Variants in SLC28A1 observed in about 807,000 individuals in gnomAD.
SLC28A1 encodes the protein sodium/nucleoside cotransporter 1.
Under a neutral mutation model 74.8 loss-of-function variants are expected in SLC28A1, and 64 were observed. The ratio of observed to expected loss-of-function variants is 0.86; its 90% CI spans 0.70 to 1.05. SLC28A1 has a LOEUF of 1.05. Among genes scored for constraint, SLC28A1 ranks in the 50% least tolerant of loss-of-function variants. The pLI, the probability that SLC28A1 is intolerant of heterozygous loss-of-function variation, is 0.00. For missense variants in SLC28A1, 828 were observed against 822.8 expected (o/e 1.01, Z -0.08); for synonymous variants, 359 against 335.0 (o/e 1.07, Z -0.78).
At position 84,928,518 on chromosome 15, in the gene SLC28A1, G is replaced by GGTTCGTTCGTTC. The variant is rs141295230; in HGVS notation, c.1083+4409_1083+4420dup. 1.0e-3 allele frequency among the ~76,000 whole-genome samples: 35 copies of GGTTCGTTCGTTC among 34,120 alleles called. 5 individuals are homozygous for GGTTCGTTCGTTC. The highest frequency in any genetic ancestry group is 3.5e-3 in the Admixed American group (11 of 3,176). The allele number at this position is 34,120 out of a possible 152,430, so 22.4% of individuals were successfully genotyped here. A position where few individuals can be genotyped will look rare whatever the true frequency, so the allele number is the denominator to read the frequency against. ...TCTTGCCCTTTCCTTCAAGCTCCCA[G>GGTTCGTTCGTTC]GTTCGTTCGTTCTTTCTTTCTTTCT... On this transcript the variant is annotated intron_variant, in intron 12 of 18. Transcript: ENST00000394573.
intron 3 of SLC28A1, among the ~76,000 whole-genome samples, chr15:84,888,077 G>A (rs1382216391): frequency 2.0e-5 from 3 of 152,120 alleles, no homozygotes; most frequent in Non-Finnish European, 2.9e-5. Flanking sequence ...GACTGAGCAC[G>A]TACTGTGTGC....
At chr15:84,933,931 C>G (rs951215523) in intron 13 of SLC28A1, among the ~76,000 whole-genome samples, 2 of 152,284 alleles carry the variant, frequency 1.3e-5, no homozygotes, top group Admixed American at 1.3e-4. Flanking sequence ...GCCTAGATCG[C>G]ACCACTGTAC....
At chr15:84,958,732 C>T in the SLC28A1 span, among the ~76,000 whole-genome samples, 1 of 151,854 alleles carries the variant, frequency 6.6e-6, no homozygotes, top group Admixed American at 6.6e-5. Flanking sequence ...TTTAAAATTT[C>T]TTTTATAGAG....
the SLC28A1 span, among the ~76,000 whole-genome samples, chr15:84,973,044 TGGCTGACAAGGCCCTG>T: frequency 1.3e-5 from 2 of 149,918 alleles, no homozygotes; most frequent in African/African-American, 5.1e-5. Flanking sequence ...GTCCTTGTCA[TGGCTGACAAGGCCCTG>T]CATGGTCTGA....
At chr15:84,889,155 C>G (rs1596189860) in intron 4 of SLC28A1, among the ~76,000 whole-genome samples, 1 of 152,152 alleles carries the variant, frequency 6.6e-6, no homozygotes, top group South Asian at 2.1e-4. Flanking sequence ...CCCCCTTCTG[C>G]CTTCTACCCC....
Position 84,886,742 on chromosome 15 carries a change from G to C in SLC28A1, c.-62G>C, listed in dbSNP as rs755210278. The C allele has an allele frequency of 4.1e-6, 4 of 985,366 alleles. No homozygotes were observed. The African/African-American group carries it at 7.0e-5, about 17-fold the overall frequency. 61.0% of individuals were successfully genotyped at this position (985,366 alleles called of 1,614,324 possible). A position where few individuals can be genotyped will look rare whatever the true frequency, so the allele number is the denominator to read the frequency against. ...GGACCCAGCTTGTCCCCACAGAGAC[G>C]TGTGCTTCCCTCTCTCTCTGAGAGC... On this transcript the variant is annotated 5_prime_UTR_variant, in exon 2 of 19. Transcript: ENST00000394573.
intron 6 of SLC28A1, 131 bp from the exon 7 acceptor site, chr15:84,903,966 T>C: frequency 8.2e-7 from 1 of 1,217,334 alleles, no homozygotes; most frequent in Non-Finnish European, 1.2e-6. Context: ...TGGTGCTCTT[T>C]CCACTCTGCT....
In SLC28A1 at chr15:84,923,858, C is replaced by G. The variant is rs561292781; in HGVS notation, c.958-127C>G. 2.4e-6 allele frequency: 3 copies of G among 1,250,994 alleles called. No individual in the cohort carries two copies. The Admixed American group carries it at 5.5e-5, about 23-fold the overall frequency. 77.5% of individuals were successfully genotyped at this position (1,250,994 alleles called of 1,614,324 possible). On this transcript the variant is annotated intron_variant, in intron 11 of 18. Transcript: ENST00000394573. Reference sequence around the variant, plus strand: ...TCAGAGAAGCTCAGCCAAGTACAGACCCTGGTCCTTACCCCATCCTGCTGC... The same window carrying G: ...TCAGAGAAGCTCAGCCAAGTACAGAGCCTGGTCCTTACCCCATCCTGCTGC...
chr15:84,936,364 T>G (rs1463016857), intron 15 of SLC28A1, among the ~76,000 whole-genome samples: 4 of 152,100 alleles, frequency 2.6e-5, no homozygotes, highest in Non-Finnish European at 5.9e-5. Context: ...TTCGAGTGAT[T>G]CTCGTGTCTC....
At chr15:84,910,848 G>C (rs1968096894) in intron 9 of SLC28A1, among the ~76,000 whole-genome samples, 2 of 152,234 alleles carry the variant, frequency 1.3e-5, no homozygotes, top group African/African-American at 4.8e-5. Context: ...TATAAGGAGA[G>C]ATTCTTCTAA....
chr15:84,941,457 G>A (rs183843732), intron 15 of SLC28A1, among the ~76,000 whole-genome samples: 3 of 152,010 alleles, frequency 2.0e-5, no homozygotes, highest in Admixed American at 1.3e-4. Flanking sequence ...TGCCCACCTT[G>A]GCTTCCCAAA....
intron 5 of SLC28A1, 48 bp downstream of exon 5, chr15:84,890,582 A>T (rs767747629): frequency 4.2e-6 from 6 of 1,432,644 alleles, no homozygotes; most frequent in Non-Finnish European, 5.8e-6. Flanking sequence ...CTCCTGCCTC[A>T]GCTATCCATG....
chr15:84,922,418 A>G (rs1456426538), intron 11 of SLC28A1, among the ~76,000 whole-genome samples: 1 of 152,074 alleles, frequency 6.6e-6, no homozygotes, highest in African/African-American at 2.4e-5. Context: ...AGGATGGTTC[A>G]GGCGGAGCTG....
intron 6 of SLC28A1, among the ~76,000 whole-genome samples, chr15:84,900,318 A>ACACACTGTCTCAAAAAAAAG (rs1966528013): frequency 6.7e-6 from 1 of 149,636 alleles, no homozygotes; most frequent in Non-Finnish European, 1.5e-5. Flanking sequence ...AGACAGAGTG[A>ACACACTGTCTCAAAAAAAAG]GACACTGTCT....
chr15:84,955,796 G>T, the SLC28A1 span, among the ~76,000 whole-genome samples: 1 of 152,304 alleles, frequency 6.6e-6, no homozygotes, highest in East Asian at 1.9e-4. Context: ...TATCAGGGTT[G>T]TGGACAGGAG....
chr15:84,945,279 C>G lies in SLC28A1; in HGVS notation c.*79C>G. ...CCATCTGTCCCCACCTTCCCTTTCCCAGAGCCCTCTTCAGGGAAGCCACAG... is the reference window on the plus strand; with the variant it reads ...CCATCTGTCCCCACCTTCCCTTTCCGAGAGCCCTCTTCAGGGAAGCCACAG... On this transcript the variant is annotated 3_prime_UTR_variant, in exon 19 of 19. Transcript: ENST00000394573. 7.3e-7 allele frequency: 1 copy of G among 1,372,506 alleles called. No homozygotes were observed. The highest frequency in any genetic ancestry group is 1.2e-5 in the South Asian group (1 of 84,802). 85.0% of individuals were successfully genotyped at this position (1,372,506 alleles called of 1,614,324 possible).
chr15:84,899,959 G>GGAAGGAAGGAAGGAAGGAAT (rs1966454815), intron 6 of SLC28A1, among the ~76,000 whole-genome samples: 1 of 114,500 alleles, frequency 8.7e-6, no homozygotes, highest in East Asian at 2.1e-4. Flanking sequence ...AAGGAAGGAA[G>GGAAGGAAGGAAGGAAGGAAT]GAAGGAAAGA....
At chr15:84,966,939 G>GT in the SLC28A1 span, among the ~76,000 whole-genome samples, 1 of 151,668 alleles carries the variant, frequency 6.6e-6, no homozygotes, top group Non-Finnish European at 1.5e-5. Context: ...GCCCAGCTAA[G>GT]TTTTTTATTT....
At chr15:84,968,516 A>C in the SLC28A1 span, among the ~76,000 whole-genome samples, 1 of 152,238 alleles carries the variant, frequency 6.6e-6, no homozygotes, top group African/African-American at 2.4e-5. Flanking sequence ...TGGGTGACCC[A>C]AGGGAGAGAA....
Sources: allele counts gnomAD v4.1 joint callset (sites outside exome capture counted in the v4.1 genomes callset), GRCh38; gene constraint gnomAD v4.1.1; transcripts MANE v1.5; gene names NCBI Gene and HGNC (gene_info 2026-07-23, HGNC 2026-07-21).